Variants in ZNF608 observed in about 807,000 individuals in gnomAD.
ZNF608 encodes the protein renal carcinoma antigen NY-REN-36.
ZNF608 carries 12 observed loss-of-function variants against 109.0 expected under a neutral mutation model. The observed-to-expected ratio is 0.11, with a 90% CI of 0.07 to 0.18. The LOEUF is 0.18. Ranked by LOEUF, ZNF608 falls within the 10% of genes least tolerant of loss-of-function variation. ZNF608 has a pLI of 1.00. For missense variants in ZNF608, 1,707 were observed against 1,879.3 expected, an observed-to-expected ratio of 0.91 and a Z score of 1.70; for synonymous variants, 732 against 717.4, an observed-to-expected ratio of 1.02 and a Z score of -0.33.
intron 3 of ZNF608, among the ~76,000 whole-genome samples, chr5:124,657,395 C>T (rs1751056646): frequency 6.6e-6 from 1 of 152,200 alleles, no homozygotes; most frequent in Non-Finnish European, 1.5e-5. Flanking sequence ...GGTGCAGTGG[C>T]TCACGCCTGT....
chr5:124,701,124 C>T lies in ZNF608; in HGVS notation c.1052G>A (p.Gly351Asp). 6.2e-7 allele frequency: 1 copy of T among 1,614,194 alleles called. No individual in the cohort carries two copies. Among genetic ancestry groups the T allele is most frequent in the Non-Finnish European group, 8.5e-7 (1 of 1,180,018 alleles). Residue 351 changes from glycine (G) to aspartate (D), a missense_variant, in exon 3 of 10, where the codon GGT (glycine) becomes GAT (aspartate). Physicochemically the swap from Gly to Asp is moderately conservative, Grantham distance 94. This residue lies in a region of ZNF608 where 407 missense variants were observed against 398.7 expected (regional missense o/e 1.02). Transcript: ENST00000513986. ...TACTCCAACTTCACATGTATTGACACCCACAGAACGAGTCCGAACCAAAAG... is the reference window on the plus strand; with the variant it reads ...TACTCCAACTTCACATGTATTGACATCCACAGAACGAGTCCGAACCAAAAG... ...EQLLVRTRSV[G>D]VNTCEVGVVT...
intron 3 of ZNF608, among the ~76,000 whole-genome samples, chr5:124,689,155 T>C (rs1454376122): frequency 6.6e-6 from 1 of 152,188 alleles, no homozygotes; most frequent in African/African-American, 2.4e-5. Context: ...TCCAGTGCTT[T>C]GAGAGGCCAA....
Position 124,676,749 on chromosome 5 carries a change from A to T in ZNF608, c.1162+24265T>A, listed in dbSNP as rs141305699. Reference sequence around the variant, plus strand: ...TATTCAAACAACATGATGCAGCATTAACAGTGAACTCATGCTTCATGTTGA... The same window carrying T: ...TATTCAAACAACATGATGCAGCATTTACAGTGAACTCATGCTTCATGTTGA... On this transcript the variant is annotated intron_variant, in intron 3 of 9. Transcript: ENST00000513986. Among the ~76,000 whole-genome samples, 699 of 152,370 alleles carry T rather than the reference A, an allele frequency of 4.6e-3. 5 individuals are homozygous for T. The highest frequency in any genetic ancestry group is 6.2e-3 in the Non-Finnish European group (421 of 68,030).
Position 124,644,270 on chromosome 5 carries a change from G to C in ZNF608, c.4097C>G (p.Ser1366Cys). Residue 1366 changes from serine to cysteine, a missense_variant, in exon 6 of 10, where the codon TCT becomes TGT. By Grantham distance (112) the Ser-to-Cys change is moderately radical (BLOSUM62 -1). This residue lies in a region of ZNF608 where 1,073 missense variants were observed against 1,133.5 expected (regional missense o/e 0.95). Transcript: ENST00000513986. ...AGGATAACTGTGCATTAGGACGGGA[G>C]AAACAGCCCGGTATGCAGGATGGCT... ...DPSHPAYRAVSPVLMHSYPGA... is the reference protein window; with the variant it reads ...DPSHPAYRAVCPVLMHSYPGA... The C allele has an allele frequency of 6.2e-7, 1 of 1,611,226 alleles. No individual in the cohort carries two copies. Among genetic ancestry groups the C allele is most frequent in the Non-Finnish European group, 8.5e-7 (1 of 1,177,560 alleles).
At position 124,737,272 on chromosome 5, in the gene ZNF608, A is replaced by G. The variant is rs75276863; in HGVS notation, c.906+6812T>C. On this transcript the variant is annotated intron_variant, in intron 2 of 9. Coordinates refer to ENST00000513986, the MANE Select transcript of ZNF608 (RefSeq NM_020747.3). The stretch of plus-strand genomic sequence containing the variant: ...CATGTGGCATTATTGGAATATGCCT[A>G]AATGTCCCTGCAGACACATTTTTCT... Among the ~76,000 whole-genome samples the G allele has an allele frequency of 7.8e-3, 1,185 of 152,324 alleles. 12 individuals are homozygous for G. Among genetic ancestry groups the G allele is most frequent in the Middle Eastern group, 0.075 (22 of 294 alleles).
intron 2 of ZNF608, among the ~76,000 whole-genome samples, chr5:124,743,714 A>C (rs1475067974): frequency 6.6e-6 from 1 of 152,226 alleles, no homozygotes; most frequent in Non-Finnish European, 1.5e-5. Flanking sequence ...AAAGCAGGAC[A>C]AGAGTCAAGA....
upstream of ZNF608, among the ~76,000 whole-genome samples, chr5:124,748,163 A>G (rs930228892): frequency 3.9e-5 from 6 of 151,928 alleles, no homozygotes; most frequent in Admixed American, 3.9e-4. Flanking sequence ...CCTTGCCCCC[A>G]TTTTCCTGGA....
intron 2 of ZNF608, among the ~76,000 whole-genome samples, chr5:124,743,406 G>C (rs1284489793): frequency 6.6e-6 from 1 of 152,216 alleles, no homozygotes; most frequent in Non-Finnish European, 1.5e-5. Context: ...AACAGGGGTA[G>C]AGTGCTAACA....
Position 124,647,035 on chromosome 5 carries a change from G to T in ZNF608, c.3349C>A (p.Gln1117Lys). 9 of 1,613,896 alleles carry T rather than the reference G, an allele frequency of 5.6e-6. No homozygotes were observed. Among genetic ancestry groups the T allele is most frequent in the Non-Finnish European group, 7.6e-6 (9 of 1,179,894 alleles). The part of the protein sequence containing the change: ...KYYEDQRLAE[Q>K]KMAQTGRGDC... ...CCTCTCCCAGTCTGGGCCATTTTCT[G>T]CTCTGCCAGCCTCTGGTCCTCATAG... The change falls in exon 5 of 10, where the codon CAG (glutamine) becomes AAG (lysine). Residue 1117 changes from glutamine to lysine, a missense_variant. Coordinates refer to ENST00000513986, the MANE Select transcript of ZNF608 (RefSeq NM_020747.3).
intron 2 of ZNF608, among the ~76,000 whole-genome samples, chr5:124,724,434 G>C (rs1307050509): frequency 6.7e-6 from 1 of 149,986 alleles, no homozygotes; most frequent in Non-Finnish European, 1.5e-5. Context: ...TAATTTCTCA[G>C]GGCTCTGGAC....
chr5:124,679,979 T>C (rs4835843), intron 3 of ZNF608, among the ~76,000 whole-genome samples: 4,367 of 152,104 alleles, frequency 0.029, 144 homozygotes, highest in East Asian at 0.13. Context: ...TGTTGATAAG[T>C]AAAGATAAAA....
intron 2 of ZNF608, among the ~76,000 whole-genome samples, chr5:124,722,764 G>A (rs1255996384): frequency 6.6e-6 from 1 of 151,942 alleles, no homozygotes; most frequent in Non-Finnish European, 1.5e-5. Context: ...CTTTAGAGTT[G>A]GAGAATCAGA....
intron 2 of ZNF608, among the ~76,000 whole-genome samples, chr5:124,726,904 A>C (rs1232472548): frequency 2.6e-5 from 4 of 151,616 alleles, no homozygotes; most frequent in African/African-American, 9.7e-5. Flanking sequence ...ATCTCCAGAC[A>C]AAAAAAAAGT....
At chr5:124,688,339 C>CT (rs1752481142) in intron 3 of ZNF608, among the ~76,000 whole-genome samples, 1 of 152,148 alleles carries the variant, frequency 6.6e-6, no homozygotes, top group South Asian at 2.1e-4. Context: ...TGCCCGCTTG[C>CT]TTCCTCCTGC....
chr5:124,692,999 T>C (rs1752681185), intron 3 of ZNF608, among the ~76,000 whole-genome samples: 1 of 152,106 alleles, frequency 6.6e-6, no homozygotes. Context: ...AATGGGGGGA[T>C]TGGAGTAAGT....
In ZNF608 at chr5:124,641,744, A is replaced by T. The variant is rs920368131; in HGVS notation, c.4297-339T>A. Among the ~76,000 whole-genome samples the T allele has an allele frequency of 2.6e-5, 4 of 152,366 alleles. No homozygotes were observed. In the South Asian group the frequency reaches 8.3e-4, roughly 32 times the overall value. The stretch of plus-strand genomic sequence containing the variant: ...CATAAACAACTTTTACAAAATAAGT[A>T]GTTTTGGAGATATCTTTAAGGTCAA... On this transcript the variant is annotated intron_variant, in intron 7 of 9. Coordinates refer to ENST00000513986, the MANE Select transcript of ZNF608 (RefSeq NM_020747.3).
chr5:124,659,551 C>T (rs1751158933), intron 3 of ZNF608, among the ~76,000 whole-genome samples: 3 of 152,122 alleles, frequency 2.0e-5, no homozygotes, highest in South Asian at 4.1e-4. Flanking sequence ...AAATCTCATG[C>T]CTTGTGGGGA....
chr5:124,707,102 A>G (rs1753293281), intron 2 of ZNF608, among the ~76,000 whole-genome samples: 1 of 152,182 alleles, frequency 6.6e-6, no homozygotes, highest in African/African-American at 2.4e-5. Context: ...GAAGGATCCA[A>G]AGCTGGAGTG....
chr5:124,697,955 A>G (rs1580648056), intron 3 of ZNF608, among the ~76,000 whole-genome samples: 1 of 152,278 alleles, frequency 6.6e-6, no homozygotes, highest in East Asian at 1.9e-4. Context: ...GGAAAACACT[A>G]CCAGTTACAC....
Sources: allele counts gnomAD v4.1 joint callset (sites outside exome capture counted in the v4.1 genomes callset), GRCh38; gene constraint gnomAD v4.1.1; regional missense constraint gnomAD v4.1.1; transcripts MANE v1.5; gene names NCBI Gene and HGNC (gene_info 2026-07-23, HGNC 2026-07-21).